Variants in TNS2 observed in about 807,000 individuals in gnomAD.
TNS2 encodes the protein tensin 2.
In TNS2, 77 loss-of-function variants were observed where a neutral mutation model predicts 155.7. That is an observed-to-expected ratio of 0.49 (90% confidence interval 0.41 to 0.60). The LOEUF is 0.60. Among genes scored for constraint, TNS2 ranks in the 20% least tolerant of loss-of-function variants. The pLI, the probability that TNS2 is intolerant of heterozygous loss-of-function variation, is 0.00. For missense variants in TNS2, 1,703 were observed against 1,868.8 expected, an observed-to-expected ratio of 0.91 and a Z score of 1.64; for synonymous variants, 726 against 763.9, an observed-to-expected ratio of 0.95 and a Z score of 0.82.
At chr12:53,062,581 T>C (rs765303324) in intron 24 of TNS2, 39 bp from the exon 25 acceptor site, 2 of 1,611,968 alleles carry the variant, frequency 1.2e-6, no homozygotes, top group Admixed American at 1.7e-5. Context: ...GGGAACACTC[T>C]GCCTTCTGAG....
rs1208358090 is a variant in TNS2 at position 53,050,899 on chromosome 12, T to C, written c.75+639T>C. On this transcript the variant is annotated intron_variant, in intron 1 of 28. Transcript: ENST00000314250. This position sits in a 1 kb window ranked among gnomAD's most constrained non-coding sequence, Gnocchi z 4.7. Reference sequence around the variant, plus strand: ...AGCAGCTCAGGACAACCTGAGATACTACTGTGATGGGTCCCCGGGAGGAGG... The same window carrying C: ...AGCAGCTCAGGACAACCTGAGATACCACTGTGATGGGTCCCCGGGAGGAGG... Among the ~76,000 whole-genome samples the C allele has an allele frequency of 6.6e-6, 1 of 152,116 alleles. No individual in the cohort carries two copies. The highest frequency in any genetic ancestry group is 1.9e-4 in the East Asian group (1 of 5,184).
chr12:53,057,544 C>A, intron 11 of TNS2, 23 bp from the exon 12 acceptor site: 1 of 1,575,952 alleles, frequency 6.3e-7, no homozygotes, highest in South Asian at 1.1e-5. Context: ...GGCTTATGTT[C>A]TCCTTGACAC....
At chr12:53,058,506 T>TGGCA (rs1365879590) in intron 15 of TNS2, 61 bp downstream of exon 15, 15 of 984,416 alleles carry the variant, frequency 1.5e-5, no homozygotes, top group Non-Finnish European at 2.1e-5. Context: ...GGCAGGCAGG[T>TGGCA]GGCAGGCAGG....
chr12:53,053,922 G>A, intron 5 of TNS2, 43 bp from the exon 6 acceptor site: 1 of 1,614,078 alleles, frequency 6.2e-7, no homozygotes, highest in Non-Finnish European at 8.5e-7. Flanking sequence ...CTAGAGTAGG[G>A]GGTACCCAAA....
At position 53,058,731 on chromosome 12, in the gene TNS2, G is replaced by A. The variant is rs201194686; in HGVS notation, c.1309G>A (p.Asp437Asn). ...EKIKGSTPRNDPSVSVDYNTT... is the reference protein window; with the variant it reads ...EKIKGSTPRNNPSVSVDYNTT... ...TTCCACAGGCAGCACTCCACGGAAC[G>A]ACCCCTCGGTCTCTGTCGACTACAA... The change falls in exon 17 of 29, where the codon GAC becomes AAC. Residue 437 changes from aspartate to asparagine, a missense_variant. Asp to Asn is a conservative substitution (Grantham distance 23). Coordinates refer to ENST00000314250, the MANE Select transcript of TNS2 (RefSeq NM_170754.4). 214 of 1,613,964 alleles carry A rather than the reference G, an allele frequency of 1.3e-4. 1 individual carries two copies. In the East Asian group the frequency reaches 2.7e-3, roughly 21 times the overall value.
chr12:53,060,190 C>G lies in TNS2; in HGVS notation c.2549C>G (p.Thr850Arg). Residue 850 changes from threonine (T) to arginine (R), a missense_variant, in exon 18 of 29, where the codon ACG becomes AGG. Coordinates refer to ENST00000314250, the MANE Select transcript of TNS2 (RefSeq NM_170754.4). The surrounding 1 kb of genome is among the most constrained non-coding windows in gnomAD (Gnocchi z 6.1). The part of the protein sequence containing the change: ...QSRKLSYEIP[T>R]EEGGDRYPLP... ...AGGAAGCTGAGCTACGAGATCCCTACGGAGGAGGGAGGGGACAGGTACCCA... is the reference window on the plus strand; with the variant it reads ...AGGAAGCTGAGCTACGAGATCCCTAGGGAGGAGGGAGGGGACAGGTACCCA... 1 of 1,591,410 alleles carries G rather than the reference C, an allele frequency of 6.3e-7. No homozygotes were observed. The highest frequency in any genetic ancestry group is 8.6e-7 in the Non-Finnish European group (1 of 1,167,912).
chr12:53,050,116 C>T lies in TNS2; in HGVS notation c.-70C>T, dbSNP rs1943872721. 2 of 1,572,934 alleles carry T rather than the reference C, an allele frequency of 1.3e-6. No homozygotes were observed. The highest frequency in any genetic ancestry group is 1.7e-6 in the Non-Finnish European group (2 of 1,162,242). On this transcript the variant is annotated 5_prime_UTR_variant, in exon 1 of 29. Transcript: ENST00000314250. The surrounding 1 kb of genome is among the most constrained non-coding windows in gnomAD (Gnocchi z 4.7). ...AGCGGCTGCCTCCGCCAGGCCGCTT[C>T]CAGGAAGCCCCGGGCCAGGCCCCAG...
At position 53,063,320 on chromosome 12, in the gene TNS2, T is replaced by C. The variant is rs1347064025; in HGVS notation, c.3993-29T>C. 1 of 1,613,924 alleles carries C rather than the reference T, an allele frequency of 6.2e-7. No individual in the cohort carries two copies. Among genetic ancestry groups the C allele is most frequent in the Admixed American group, 1.7e-5 (1 of 60,006 alleles). On this transcript the variant is annotated intron_variant, in intron 26 of 28. Coordinates refer to ENST00000314250, the MANE Select transcript of TNS2 (RefSeq NM_170754.4). This position sits in a 1 kb window ranked among gnomAD's most constrained non-coding sequence, Gnocchi z 5.6. ...GCCCCTGGGGGCTCATGTTTCTGAG[T>C]GTGACCTTCCTCACCCTCCTCCTTG...
intron 21 of TNS2, 140 bp from the exon 22 acceptor site, chr12:53,061,675 C>T: frequency 1.4e-6 from 2 of 1,456,710 alleles, no homozygotes; most frequent in Non-Finnish European, 1.9e-6. Context: ...ACTCTAGAGC[C>T]CTGGCCTCAG....
Position 53,060,548 on chromosome 12 carries a change from A to G in TNS2, c.2761A>G (p.Lys921Glu). ...GCACACCAGCAGTCCAGTCCAGGGC[A>G]AGGAAAGGTATGCAGAGGGGCCGGG... is the stretch of plus-strand genomic sequence containing the variant. Reference protein sequence around the residue: ...PLHTSSPVQGKESTRRQDTRS... With the variant: ...PLHTSSPVQGEESTRRQDTRS... Residue 921 changes from lysine to glutamate, a missense_variant, in exon 19 of 29, where the codon AAG becomes GAG. Coordinates refer to ENST00000314250, the MANE Select transcript of TNS2 (RefSeq NM_170754.4). This position sits in a 1 kb window ranked among gnomAD's most constrained non-coding sequence, Gnocchi z 6.1. 1.9e-6 allele frequency: 3 copies of G among 1,613,428 alleles called. No individual in the cohort carries two copies. The highest frequency in any genetic ancestry group is 1.1e-5 in the South Asian group (1 of 91,082).
intron 2 of TNS2, 69 bp downstream of exon 2, chr12:53,052,032 G>T: frequency 7.7e-7 from 1 of 1,293,386 alleles, no homozygotes; most frequent in Non-Finnish European, 1.1e-6. Flanking sequence ...ACTCCAGCAG[G>T]CCAGCTCACA....
intron 3 of TNS2, 93 bp downstream of exon 3, chr12:53,052,585 C>T (rs1317737539): frequency 6.6e-7 from 1 of 1,519,512 alleles, no homozygotes; most frequent in Non-Finnish European, 9.1e-7. Flanking sequence ...CATCAACCCT[C>T]CACCTCCACC....
In TNS2 at chr12:53,061,194, G is replaced by A. The variant is rs560512474; in HGVS notation, c.3288G>A (p.Ser1096=). ...CCTGGGGCCCAGAGCAGGCATCATC[G>A]CCAGCCAGAGGCATCAGTCACCATG... ...PGPWGPEQAS[S]PARGISHHVT... Residue 1096 remains serine, a synonymous_variant, in exon 20 of 29, where the codon TCG becomes TCA. Transcript: ENST00000314250. 2.5e-5 allele frequency: 39 copies of A among 1,584,708 alleles called. No individual in the cohort carries two copies. Among genetic ancestry groups the A allele is most frequent in the South Asian group, 3.5e-5 (3 of 86,240 alleles).
chr12:53,051,332 G>T (rs763693088), intron 1 of TNS2, among the ~76,000 whole-genome samples: 14 of 152,170 alleles, frequency 9.2e-5, no homozygotes, highest in Non-Finnish European at 1.5e-4. Context: ...TGTTCTGACC[G>T]TGGGGGAGGA....
At position 53,050,348 on chromosome 12, in the gene TNS2, C is replaced by T; in HGVS notation, c.75+88C>T. Reference sequence around the variant, plus strand: ...GGGACCAGGAATCAGGCCAGGCCTTCTTCCCAATTTCAGCTTCCTCAGCCT... The same window carrying T: ...GGGACCAGGAATCAGGCCAGGCCTTTTTCCCAATTTCAGCTTCCTCAGCCT... On this transcript the variant is annotated intron_variant, in intron 1 of 28. Coordinates refer to ENST00000314250, the MANE Select transcript of TNS2 (RefSeq NM_170754.4). This position sits in a 1 kb window ranked among gnomAD's most constrained non-coding sequence, Gnocchi z 4.7. 7.1e-7 allele frequency: 1 copy of T among 1,416,462 alleles called. No individual in the cohort carries two copies. Among genetic ancestry groups the T allele is most frequent in the Non-Finnish European group, 9.5e-7 (1 of 1,056,512 alleles). 87.7% of individuals were successfully genotyped at this position (1,416,462 alleles called of 1,614,324 possible).
Position 53,053,952 on chromosome 12 carries a change from T to C in TNS2, c.301-13T>C. On this transcript the variant is annotated splice_polypyrimidine_tract_variant and intron_variant, in intron 5 of 28. Coordinates refer to ENST00000314250, the MANE Select transcript of TNS2 (RefSeq NM_170754.4). Reference sequence around the variant, plus strand: ...CCCAAAGAGATGTCTAGACACTGTCTGTTAACCACCAGGGATCCACCAAAT... The same window carrying C: ...CCCAAAGAGATGTCTAGACACTGTCCGTTAACCACCAGGGATCCACCAAAT... 3 of 1,614,180 alleles carry C rather than the reference T, an allele frequency of 1.9e-6. No individual in the cohort carries two copies. The highest frequency in any genetic ancestry group is 2.5e-6 in the Non-Finnish European group (3 of 1,180,024).
rs372071424 is a variant in TNS2 at position 53,053,404 on chromosome 12, C to G, written c.223-7C>G. ...GGAGCTCAGTTCCTTACTCGGTCCC[C>G]TTCCAGGTGACTTCAGCCTGTCAGG... On this transcript the variant is annotated splice_polypyrimidine_tract_variant and splice_region_variant and intron_variant, in intron 3 of 28. Coordinates refer to ENST00000314250, the MANE Select transcript of TNS2 (RefSeq NM_170754.4). 6.2e-7 allele frequency: 1 copy of G among 1,614,056 alleles called. No homozygotes were observed. Among genetic ancestry groups the G allele is most frequent in the African/African-American group, 1.3e-5 (1 of 75,014 alleles).
chr12:53,058,679 C>T (rs756668911), intron 16 of TNS2, 35 bp from the exon 17 acceptor site: 1 of 1,614,010 alleles, frequency 6.2e-7, no homozygotes, highest in South Asian at 1.1e-5. Context: ...GGCCGCCTCT[C>T]CCCTGCTCCC....
intron 13 of TNS2, 42 bp downstream of exon 13, chr12:53,057,875 G>A (rs761009676): frequency 3.7e-6 from 6 of 1,613,176 alleles, no homozygotes; most frequent in African/African-American, 1.3e-5. Flanking sequence ...TCATGACCAG[G>A]GCCCCTCTTG....
Sources: allele counts gnomAD v4.1 joint callset (sites outside exome capture counted in the v4.1 genomes callset), GRCh38; gene constraint gnomAD v4.1.1; non-coding constraint Gnocchi (gnomAD v3.1); transcripts MANE v1.5; gene names NCBI Gene and HGNC (gene_info 2026-07-23, HGNC 2026-07-21).